MAP3K4: variants seen among roughly 807,000 people sequenced by gnomAD.
MAP3K4 encodes MAP three kinase 1.
In MAP3K4, 67 loss-of-function variants were observed where a neutral mutation model predicts 185.6. The ratio of observed to expected loss-of-function variants is 0.36; its 90% CI spans 0.30 to 0.44. The LOEUF is 0.44. MAP3K4 is among the 20% of genes least tolerant of loss of function. The probability of loss-of-function intolerance (pLI) is 1.00; values close to 1 mark genes in which losing one functional copy is unlikely to be tolerated. For missense variants in MAP3K4, 1,551 were observed against 1,995.1 expected (o/e 0.78, Z 4.24); for synonymous variants, 702 against 710.4 (o/e 0.99, Z 0.19).
rs71886302 is a variant in MAP3K4, at chr6:161,021,932, C to CA, written c.153-12318dup. ...TTATTAGAATAAAGACCCAAGAAAA[C>CA]AAAAAAAAACAAAAGTGAATAAAAG... is the stretch of plus-strand genomic sequence containing the variant. On this transcript the variant is annotated intron_variant, in intron 1 of 26. Coordinates refer to ENST00000392142, the MANE Select transcript of MAP3K4 (RefSeq NM_005922.4). 8.6e-3 allele frequency among the ~76,000 whole-genome samples: 1,265 copies of CA among 147,378 alleles called. 14 individuals are homozygous for CA. The highest frequency in any genetic ancestry group is 0.028 in the African/African-American group (1,138 of 40,182).
At chr6:161,000,177 T>G (rs1781201102) in intron 1 of MAP3K4, among the ~76,000 whole-genome samples, 1 of 152,212 alleles carries the variant, frequency 6.6e-6, no homozygotes, top group Non-Finnish European at 1.5e-5. Flanking sequence ...TTGCAATATA[T>G]GATACTCAAA....
chr6:161,085,119 C>T (rs1043517321), intron 7 of MAP3K4, among the ~76,000 whole-genome samples: 2 of 150,352 alleles, frequency 1.3e-5, no homozygotes, highest in African/African-American at 2.5e-5. Context: ...GCACTCCAGC[C>T]TGGGTGACAG....
At chr6:161,029,737 A>G (rs1224817852) in intron 1 of MAP3K4, among the ~76,000 whole-genome samples, 1 of 152,240 alleles carries the variant, frequency 6.6e-6, no homozygotes, top group Non-Finnish European at 1.5e-5. Flanking sequence ...TCTCACATGA[A>G]CGATTACAAA....
chr6:161,009,142 G>A (rs764109753), intron 1 of MAP3K4, among the ~76,000 whole-genome samples: 2 of 151,948 alleles, frequency 1.3e-5, no homozygotes, highest in East Asian at 1.9e-4. Flanking sequence ...GCGCCACCAC[G>A]CCCAGCTAAT....
Position 161,056,390 on chromosome 6 carries a change from C to T in MAP3K4, c.1707+6411C>T, listed in dbSNP as rs1056203092. On this transcript the variant is annotated intron_variant, in intron 3 of 26. Coordinates refer to ENST00000392142, the MANE Select transcript of MAP3K4 (RefSeq NM_005922.4). This position sits in a 1 kb window ranked among gnomAD's most constrained non-coding sequence, Gnocchi z 5.4. ...GGCCTTCTCAGTGATAGAATTAGAA[C>T]GTACAGGTATGTCTTCTAACCTGTG... 2.6e-5 allele frequency among the ~76,000 whole-genome samples: 4 copies of T among 152,154 alleles called. No homozygotes were observed. Among genetic ancestry groups the T allele is most frequent in the Admixed American group, 6.6e-5 (1 of 15,264 alleles).
Position 161,080,744 on chromosome 6 carries a change from C to T in MAP3K4, c.2098-137C>T. Reference sequence around the variant, plus strand: ...TCAGCTAACAGTGGTGAGAACCTTGCTTCTGTCGGTGCTGCGTGCCTGTGA... The same window carrying T: ...TCAGCTAACAGTGGTGAGAACCTTGTTTCTGTCGGTGCTGCGTGCCTGTGA... On this transcript the variant is annotated intron_variant, in intron 5 of 26. Coordinates refer to ENST00000392142, the MANE Select transcript of MAP3K4 (RefSeq NM_005922.4). The surrounding 1 kb of genome is among the most constrained non-coding windows in gnomAD (Gnocchi z 4.8). 4.4e-6 allele frequency: 3 copies of T among 687,048 alleles called. No individual in the cohort carries two copies. Among genetic ancestry groups the T allele is most frequent in the East Asian group, 5.5e-5 (2 of 36,150 alleles). 42.6% of individuals were successfully genotyped at this position (687,048 alleles called of 1,614,324 possible). A position where few individuals can be genotyped will look rare whatever the true frequency, so the allele number is the denominator to read the frequency against.
Position 161,109,610 on chromosome 6 carries a change from C to A in MAP3K4, c.4237-145C>A. 1 of 763,748 alleles carries A rather than the reference C, an allele frequency of 1.3e-6. No individual in the cohort carries two copies. The highest frequency in any genetic ancestry group is 2.1e-6 in the Non-Finnish European group (1 of 466,404). The allele number at this position is 763,748 out of a possible 1,614,324, so 47.3% of individuals were successfully genotyped here. On this transcript the variant is annotated intron_variant, in intron 22 of 26. Transcript: ENST00000392142. This position sits in a 1 kb window ranked among gnomAD's most constrained non-coding sequence, Gnocchi z 5.7. The stretch of plus-strand genomic sequence containing the variant: ...ACTTAGAAACGACTGTTGTGAGACA[C>A]ATTCAGTGCTCAGGATGGCAAGTGT...
intron 1 of MAP3K4, among the ~76,000 whole-genome samples, chr6:160,992,560 T>G (rs996079402): frequency 6.6e-6 from 1 of 152,184 alleles, no homozygotes; most frequent in Non-Finnish European, 1.5e-5. Context: ...TTTTGCCCGC[T>G]CCAGAGAATG....
chr6:161,002,451 T>C (rs1311346703), intron 1 of MAP3K4, among the ~76,000 whole-genome samples: 1 of 152,158 alleles, frequency 6.6e-6, no homozygotes, highest in Non-Finnish European at 1.5e-5. Context: ...AGTGAAATCT[T>C]CTCGCTTAAT....
At chr6:161,021,306 C>T (rs1056360568) in intron 1 of MAP3K4, among the ~76,000 whole-genome samples, 9 of 152,124 alleles carry the variant, frequency 5.9e-5, no homozygotes, top group African/African-American at 9.7e-5. Flanking sequence ...TAAGACATAA[C>T]GTAGTCTGTT....
intron 1 of MAP3K4, among the ~76,000 whole-genome samples, chr6:161,000,230 A>G (rs1052841506): frequency 1.3e-5 from 2 of 152,230 alleles, no homozygotes; most frequent in African/African-American, 4.8e-5. Context: ...ATCATAACCT[A>G]CTAAATTGAT....
chr6:161,050,112 T>A, intron 3 of MAP3K4, 133 bp downstream of exon 3: 1 of 859,860 alleles, frequency 1.2e-6, no homozygotes, highest in Non-Finnish European at 1.8e-6. Flanking sequence ...ATTGCACATT[T>A]AAGCATTTCT....
intron 3 of MAP3K4, among the ~76,000 whole-genome samples, chr6:161,052,400 G>A (rs1461836603): frequency 1.3e-5 from 2 of 152,126 alleles, no homozygotes; most frequent in Non-Finnish European, 2.9e-5. Flanking sequence ...CGCTGAAGAG[G>A]TCATCTTTGT....
chr6:161,035,278 G>A (rs1391451325), intron 2 of MAP3K4, among the ~76,000 whole-genome samples: 1 of 152,134 alleles, frequency 6.6e-6, no homozygotes, highest in Non-Finnish European at 1.5e-5. Context: ...TCTTCATCTT[G>A]TCTGAGAAAT....
rs551487246 is a variant in MAP3K4 at position 161,114,518 on chromosome 6, T to A, written c.4627-605T>A. On this transcript the variant is annotated intron_variant, in intron 25 of 26. Transcript: ENST00000392142. This position sits in a 1 kb window ranked among gnomAD's most constrained non-coding sequence, Gnocchi z 4.3. ...AATAGAAAGGCAGTTGTGATATCTG[T>A]GTTATTCCAGTAAAGCCACACATAA... Among the ~76,000 whole-genome samples, 11 of 152,338 alleles carry A rather than the reference T, an allele frequency of 7.2e-5. No individual in the cohort carries two copies. Among genetic ancestry groups the A allele is most frequent in the Admixed American group, 7.2e-4 (11 of 15,312 alleles).
In MAP3K4 at chr6:161,077,459, C is replaced by T. The variant is rs1785232662; in HGVS notation, c.2098-3422C>T. Among the ~76,000 whole-genome samples, 1 of 152,058 alleles carries T rather than the reference C, an allele frequency of 6.6e-6. No homozygotes were observed. The highest frequency in any genetic ancestry group is 1.5e-5 in the Non-Finnish European group (1 of 68,020). On this transcript the variant is annotated intron_variant, in intron 5 of 26. Coordinates refer to ENST00000392142, the MANE Select transcript of MAP3K4 (RefSeq NM_005922.4). This position sits in a 1 kb window ranked among gnomAD's most constrained non-coding sequence, Gnocchi z 4.3. ...TATAAAGAGAGGGATCAAGAGAAGC[C>T]CCTTTTTGGTAGCAGGTGCGGTCCG...
At position 161,049,801 on chromosome 6, in the gene MAP3K4, A is replaced by C. The variant is rs1224271582; in HGVS notation, c.1529A>C (p.Asp510Ala). ...EDDSLGWGAPDWSTEAGFSRH... is the reference protein window; with the variant it reads ...EDDSLGWGAPAWSTEAGFSRH... ...GATTCTCTTGGCTGGGGAGCACCAGACTGGAGCACAGAAGCAGGCTTTAGT... is the reference window on the plus strand; with the variant it reads ...GATTCTCTTGGCTGGGGAGCACCAGCCTGGAGCACAGAAGCAGGCTTTAGT... The change falls in exon 3 of 27, where the codon GAC becomes GCC. Residue 510 changes from aspartate to alanine, a missense_variant. Asp to Ala is a moderately radical substitution (Grantham distance 126). Around this residue, in one of 16 missense-constraint regions of MAP3K4, gnomAD observed 126 missense variants for 112.8 expected, o/e 1.12. Transcript: ENST00000392142. The surrounding 1 kb of genome is among the most constrained non-coding windows in gnomAD (Gnocchi z 8.4). 1.9e-6 allele frequency: 3 copies of C among 1,613,996 alleles called. No individual in the cohort carries two copies. The highest frequency in any genetic ancestry group is 8.5e-7 in the Non-Finnish European group (1 of 1,180,016).
chr6:161,111,763 G>T (rs1415924249), intron 23 of MAP3K4, 73 bp from the exon 24 acceptor site: 1 of 1,444,414 alleles, frequency 6.9e-7, no homozygotes, highest in Admixed American at 1.9e-5. Context: ...GTTCCTGGTC[G>T]TTTAGATTAC....
In MAP3K4 at chr6:161,096,073, C is replaced by T. The variant is rs1288865205; in HGVS notation, c.3428-1007C>T. ...GTTACTATTGAATTTCTTCCATTTG[C>T]CATTGTAATAGCTAGGATAATGAAT... On this transcript the variant is annotated intron_variant, in intron 15 of 26. Coordinates refer to ENST00000392142, the MANE Select transcript of MAP3K4 (RefSeq NM_005922.4). This position sits in a 1 kb window ranked among gnomAD's most constrained non-coding sequence, Gnocchi z 4.9. 6.6e-6 allele frequency among the ~76,000 whole-genome samples: 1 copy of T among 151,852 alleles called. No homozygotes were observed. The highest frequency in any genetic ancestry group is 1.5e-5 in the Non-Finnish European group (1 of 67,962).
Sources: gnomAD v4.1 joint callset for allele counts (sites outside exome capture counted in the v4.1 genomes callset) on GRCh38, gnomAD v4.1.1 for gene constraint, gnomAD v4.1.1 regional missense constraint, Gnocchi (gnomAD v3.1) non-coding constraint, MANE v1.5 for transcripts, NCBI Gene and HGNC (gene_info 2026-07-23, HGNC 2026-07-21) for gene names.